The following TRAK2 variants were observed in gnomAD, a reference collection of about 807,000 sequenced individuals.
The protein encoded by TRAK2 is trafficking kinesin-binding protein 2.
TRAK2 carries 81 observed loss-of-function variants against 104.6 expected under a neutral mutation model. The observed-to-expected ratio is 0.77, with a 90% confidence interval of 0.65 to 0.93. The LOEUF (loss-of-function observed/expected upper bound fraction) is 0.93, where lower values mean the gene tolerates loss of function less well. Ranked by LOEUF, TRAK2 falls within the 40% of genes least tolerant of loss-of-function variation. The pLI is 0.00. For synonymous variants in TRAK2, 406 were observed against 394.4 expected, an observed-to-expected ratio of 1.03 and a Z score of -0.35; for missense variants, 1,002 against 1,089.0, an observed-to-expected ratio of 0.92 and a Z score of 1.12.
At chr2:201,408,262 C>T (rs1300621249) in intron 2 of TRAK2, among the ~76,000 whole-genome samples, 9 of 152,284 alleles carry the variant, frequency 5.9e-5, no homozygotes, top group Non-Finnish European at 1.0e-4. Context: ...GAATTACATA[C>T]TATCTAAATA....
chr2:201,407,364 C>G (rs546003851), intron 3 of TRAK2, 39 bp downstream of exon 3: 47 of 1,554,722 alleles, frequency 3.0e-5, no homozygotes, highest in Non-Finnish European at 3.9e-5. Context: ...ATGATCATTA[C>G]TTTAATGCAC....
chr2:201,386,508 G>C (rs1482965470), intron 13 of TRAK2, 24 bp from the exon 14 acceptor site: 1 of 1,606,676 alleles, frequency 6.2e-7, no homozygotes, highest in Non-Finnish European at 8.5e-7. Context: ...ACAAAGGAAG[G>C]GGAAAGGCAT....
chr2:201,390,913 G>T (rs762404919), intron 10 of TRAK2, among the ~76,000 whole-genome samples: 26 of 151,920 alleles, frequency 1.7e-4, no homozygotes, highest in Non-Finnish European at 2.9e-4. Context: ...AGCTGAGGAT[G>T]ACTGGAATTG....
At chr2:201,397,480 A>G (rs1036091476) in intron 7 of TRAK2, 22 bp downstream of exon 7, 1 of 1,586,200 alleles carries the variant, frequency 6.3e-7, no homozygotes, top group Non-Finnish European at 8.6e-7. Context: ...AAAGGTACAA[A>G]AGAGAATATG....
intron 2 of TRAK2, among the ~76,000 whole-genome samples, chr2:201,407,901 T>C (rs1951609597): frequency 6.6e-6 from 1 of 152,228 alleles, no homozygotes; most frequent in Non-Finnish European, 1.5e-5. Context: ...GTACATGTGA[T>C]ATTTTGACAC....
rs940523989 is a variant in TRAK2 at position 201,378,882 on chromosome 2, G to A, written c.*1661C>T. 4 of 152,188 alleles carry A rather than the reference G, an allele frequency of 2.6e-5. No individual in the cohort carries two copies. The highest frequency in any genetic ancestry group is 9.7e-5 in the African/African-American group (4 of 41,442). 9.4% of individuals were successfully genotyped at this position (152,188 alleles called of 1,614,324 possible). On this transcript the variant is annotated 3_prime_UTR_variant, in exon 16 of 16. Coordinates refer to ENST00000332624, the MANE Select transcript of TRAK2 (RefSeq NM_015049.3). ...TTGAGCACATAGCTCTAAGTGGGGG[G>A]ATGGCGGGGATGCCTCAAAAGGGGA...
At chr2:201,418,624 CAT>C (rs1252980433) in intron 2 of TRAK2, among the ~76,000 whole-genome samples, 1 of 152,032 alleles carries the variant, frequency 6.6e-6, no homozygotes, top group Non-Finnish European at 1.5e-5. Context: ...GAACCATACA[CAT>C]ATGACAATGA....
At chr2:201,425,942 A>G (rs753099671) in intron 1 of TRAK2, among the ~76,000 whole-genome samples, 1 of 152,148 alleles carries the variant, frequency 6.6e-6, no homozygotes, top group Non-Finnish European at 1.5e-5. Context: ...TCTGTTACAT[A>G]CTAGCTGATT....
chr2:201,431,046 G>T (rs1358396296), intron 1 of TRAK2, among the ~76,000 whole-genome samples: 1 of 152,096 alleles, frequency 6.6e-6, no homozygotes, highest in Non-Finnish European at 1.5e-5. Flanking sequence ...GAGTAGATGC[G>T]GTCTGAAGAT....
intron 1 of TRAK2, among the ~76,000 whole-genome samples, chr2:201,427,974 AG>A (rs1951805061): frequency 6.6e-6 from 1 of 152,198 alleles, no homozygotes; most frequent in Non-Finnish European, 1.5e-5. Context: ...TCTTTTGAGA[AG>A]TGTCTATTCG....
Position 201,401,052 on chromosome 2 carries a change from T to C in TRAK2, c.329A>G (p.Asn110Ser), listed in dbSNP as rs764362098. ...DRVEQMTKTY[N>S]DIDMVTHLLA... is the part of the protein sequence containing the mutation. ...GAGATGTGTAACCATGTCGATGTCA[T>C]TGTAAGTTTTGGTCATCTGCTCCAC... Residue 110 changes from asparagine (N) to serine (S), a missense_variant, in exon 4 of 16, where the codon AAT (asparagine) becomes AGT (serine). Coordinates refer to ENST00000332624, the MANE Select transcript of TRAK2 (RefSeq NM_015049.3). 1.7e-5 allele frequency: 28 copies of C among 1,611,434 alleles called. No homozygotes were observed. Among genetic ancestry groups the C allele is most frequent in the East Asian group, 2.2e-5 (1 of 44,816 alleles).
intron 2 of TRAK2, chr2:201,412,006 T>C (rs1951651382): frequency 1.0e-6 from 1 of 998,266 alleles, no homozygotes; most frequent in Non-Finnish European, 1.6e-6. Context: ...TGGGAGGGGT[T>C]TTGGTTAGTA....
At chr2:201,444,209 AAAT>A (rs1951947933) in intron 1 of TRAK2, among the ~76,000 whole-genome samples, 2 of 152,014 alleles carry the variant, frequency 1.3e-5, no homozygotes, top group Admixed American at 1.3e-4. Flanking sequence ...TCAAAAAAAT[AAAT>A]AATAAAATAA....
chr2:201,444,344 C>A (rs1951948995), intron 1 of TRAK2, among the ~76,000 whole-genome samples: 1 of 152,094 alleles, frequency 6.6e-6, no homozygotes, highest in South Asian at 2.1e-4. Flanking sequence ...TGCTTCTCCT[C>A]CCTCATCTTG....
Position 201,381,116 on chromosome 2 carries a change from G to A in TRAK2, c.2172C>T (p.Ser724=), listed in dbSNP as rs771481039. ...ALSYRLSIGE[S]ITNRRDSTTT... ...TAGTGGAATCTCGTCGGTTGGTGAT[G>A]GACTCACCAATGCTGAGTCTATAGG... The change falls in exon 16 of 16, where the codon TCC becomes TCT. Residue 724 remains serine (S), a synonymous_variant. Transcript: ENST00000332624. 2.5e-6 allele frequency: 4 copies of A among 1,613,516 alleles called. No homozygotes were observed. The highest frequency in any genetic ancestry group is 3.4e-6 in the Non-Finnish European group (4 of 1,179,656).
chr2:201,441,895 T>G (rs992182124), intron 1 of TRAK2, among the ~76,000 whole-genome samples: 1 of 151,468 alleles, frequency 6.6e-6, no homozygotes, highest in Non-Finnish European at 1.5e-5. Context: ...TTTCACCACA[T>G]GTTGGCCAGG....
rs148922961 is a variant in TRAK2, at chr2:201,387,902, C to G, written c.1497G>C (p.Glu499Asp). The G allele has an allele frequency of 6.2e-7, 1 of 1,614,188 alleles. No homozygotes were observed. Among genetic ancestry groups the G allele is most frequent in the African/African-American group, 1.3e-5 (1 of 75,032 alleles). ...LSLRRQNYLS[E>D]KQFFAEEWQR... ...GCCATTCTTCAGCAAAGAACTGCTT[C>G]TCACTTAAATAGTTTTGTCGACGCA... The change falls in exon 13 of 16, where the codon GAG (glutamate) becomes GAC (aspartate). Residue 499 changes from glutamate (E) to aspartate (D), a missense_variant. By Grantham distance (45) the Glu-to-Asp change is conservative (BLOSUM62 2). Transcript: ENST00000332624.
At chr2:201,387,081 A>G (rs931866947) in intron 13 of TRAK2, among the ~76,000 whole-genome samples, 1 of 152,216 alleles carries the variant, frequency 6.6e-6, no homozygotes, top group African/African-American at 2.4e-5. Context: ...GAATACAACT[A>G]AGTTATAAAA....
Position 201,377,423 on chromosome 2 carries a change from G to A in TRAK2, c.*3120C>T, listed in dbSNP as rs1372452598. 1.3e-5 allele frequency: 2 copies of A among 152,178 alleles called. No individual in the cohort carries two copies. Among genetic ancestry groups the A allele is most frequent in the African/African-American group, 4.8e-5 (2 of 41,432 alleles). 9.4% of individuals were successfully genotyped at this position (152,178 alleles called of 1,614,324 possible). A position where few individuals can be genotyped will look rare whatever the true frequency, so the allele number is the denominator to read the frequency against. On this transcript the variant is annotated 3_prime_UTR_variant, in exon 16 of 16. Transcript: ENST00000332624. ...GCACTGCTGTTGGGTTGCATGTGGA[G>A]TACAGGTCTGCATGCATCTGACATC...
Sources: gnomAD v4.1 joint callset for allele counts (sites outside exome capture counted in the v4.1 genomes callset) on GRCh38, gnomAD v4.1.1 for gene constraint, MANE v1.5 for transcripts, NCBI Gene and HGNC (gene_info 2026-07-23, HGNC 2026-07-21) for gene names.